The following FHIT variants were observed in gnomAD, a reference collection of about 807,000 sequenced individuals.
The protein encoded by FHIT is fragile histidine triad diadenosine triphosphatase, also known as bis(5'-adenosyl)-triphosphatase.
Under a neutral mutation model 17.9 loss-of-function variants are expected in FHIT, and 19 were observed. The ratio of observed to expected loss-of-function variants is 1.06; its 90% CI spans 0.74 to 1.56. FHIT has a LOEUF of 1.56. Ranked by LOEUF, FHIT falls within the 40% of genes most tolerant of loss-of-function variation. FHIT has a pLI of 0.00. For missense variants in FHIT, 248 were observed against 189.2 expected (o/e 1.31, Z -1.82); for synonymous variants, 81 against 69.7 (o/e 1.16, Z -0.81).
At chr3:60,338,415 G>C (rs201027483) in intron 5 of FHIT, among the ~76,000 whole-genome samples, 1 of 152,010 alleles carries the variant, frequency 6.6e-6, no homozygotes, top group South Asian at 2.1e-4. Context: ...GCCCAGACTC[G>C]AGTGCAGCGG....
chr3:59,769,029 T>A (rs1372969516), intron 8 of FHIT, among the ~76,000 whole-genome samples: 2 of 152,170 alleles, frequency 1.3e-5, no homozygotes, highest in Non-Finnish European at 2.9e-5. Context: ...TATCCTTCCC[T>A]CTTTTAAGGA....
chr3:60,908,298 A>G (rs1706542009), intron 3 of FHIT, among the ~76,000 whole-genome samples: 1 of 152,212 alleles, frequency 6.6e-6, no homozygotes, highest in African/African-American at 2.4e-5. Context: ...GAATATAAAG[A>G]AAGTCTGAAG....
At chr3:60,350,114 T>A (rs1376300830) in intron 5 of FHIT, among the ~76,000 whole-genome samples, 2 of 152,124 alleles carry the variant, frequency 1.3e-5, no homozygotes, top group Admixed American at 6.5e-5. Context: ...CAGTACACAC[T>A]CCCATACCTA....
chr3:60,875,182 C>T (rs1336317637), intron 3 of FHIT, among the ~76,000 whole-genome samples: 3 of 152,104 alleles, frequency 2.0e-5, no homozygotes, highest in East Asian at 1.9e-4. Flanking sequence ...CATACTTGAA[C>T]CCATCCAAAG....
intron 5 of FHIT, among the ~76,000 whole-genome samples, chr3:60,435,824 A>C (rs2030176187): frequency 6.6e-6 from 1 of 152,054 alleles, no homozygotes. Flanking sequence ...GTGTTCTGAC[A>C]ACAGGCCCCA....
chr3:60,334,213 G>A (rs566689592), intron 5 of FHIT, among the ~76,000 whole-genome samples: 87 of 152,178 alleles, frequency 5.7e-4, no homozygotes, highest in African/African-American at 2.1e-3. Context: ...ATAGTTATAT[G>A]CTGAGCCAAT....
intron 5 of FHIT, among the ~76,000 whole-genome samples, chr3:60,070,652 T>C (rs35086063): frequency 0.01 from 1,588 of 151,416 alleles, 17 homozygotes; most frequent in Middle Eastern, 0.017. Flanking sequence ...ACTGCTCAGC[T>C]ATGTTTAGAG....
At chr3:60,270,545 T>C (rs541295455) in intron 5 of FHIT, among the ~76,000 whole-genome samples, 1 of 152,342 alleles carries the variant, frequency 6.6e-6, no homozygotes, top group South Asian at 2.1e-4. Flanking sequence ...ACTTGGACTA[T>C]AAATTATCAT....
intron 2 of FHIT, among the ~76,000 whole-genome samples, chr3:61,110,554 CA>C (rs1323056355): frequency 6.6e-6 from 1 of 152,100 alleles, no homozygotes; most frequent in Non-Finnish European, 1.5e-5. Context: ...TTCTTTTCGT[CA>C]CTATCTGTCT....
chr3:59,864,047 GTTTCTTTCTGC>G (rs1702523796), intron 8 of FHIT, among the ~76,000 whole-genome samples: 1 of 152,154 alleles, frequency 6.6e-6, no homozygotes, highest in South Asian at 2.1e-4. Context: ...TACCATATTT[GTTTCTTTCTGC>G]CATGACAACC....
At chr3:61,114,764 C>A (rs2036252924) in intron 2 of FHIT, among the ~76,000 whole-genome samples, 1 of 152,124 alleles carries the variant, frequency 6.6e-6, no homozygotes, top group African/African-American at 2.4e-5. Flanking sequence ...CTCTCAAGGA[C>A]CCGGTGGACT....
At chr3:60,914,208 G>T (rs912052396) in intron 3 of FHIT, among the ~76,000 whole-genome samples, 13 of 152,130 alleles carry the variant, frequency 8.5e-5, no homozygotes, top group African/African-American at 3.1e-4. Context: ...CCCATTGGGA[G>T]CATAAGGAAT....
intron 5 of FHIT, among the ~76,000 whole-genome samples, chr3:60,176,948 C>T (rs988592987): frequency 1.3e-5 from 2 of 151,530 alleles, no homozygotes; most frequent in African/African-American, 4.9e-5. Context: ...GAGGGCAAAG[C>T]AAGGAGAAAG....
chr3:61,170,698 A>G (rs572611631), intron 2 of FHIT, among the ~76,000 whole-genome samples: 2 of 152,318 alleles, frequency 1.3e-5, no homozygotes, highest in South Asian at 4.1e-4. Context: ...TGCAAAGGAC[A>G]TGATCTTGTT....
intron 5 of FHIT, among the ~76,000 whole-genome samples, chr3:60,154,055 T>C (rs142868218): frequency 1.4e-3 from 206 of 152,324 alleles, no homozygotes; most frequent in Admixed American, 3.9e-3. Flanking sequence ...AGGCACCTTC[T>C]TTGTTTAGGG....
intron 3 of FHIT, among the ~76,000 whole-genome samples, chr3:60,953,386 G>A (rs1189723899): frequency 6.6e-6 from 1 of 151,902 alleles, no homozygotes; most frequent in African/African-American, 2.4e-5. Context: ...AACTATAAAA[G>A]TCTATAAAAT....
At chr3:60,120,855 TC>T (rs200043341) in intron 5 of FHIT, among the ~76,000 whole-genome samples, 4,102 of 151,900 alleles carry the variant, frequency 0.027, 195 homozygotes, top group African/African-American at 0.094. Context: ...ATTTTTTTTT[TC>T]CACCATTTGC....
intron 1 of FHIT, among the ~76,000 whole-genome samples, chr3:61,234,012 ACC>A (rs1172205026): frequency 6.6e-6 from 1 of 152,194 alleles, no homozygotes; most frequent in Non-Finnish European, 1.5e-5. Flanking sequence ...TGACATAGTA[ACC>A]TATTAAATAA....
chr3:60,123,626 T>A (rs762715842), intron 5 of FHIT, among the ~76,000 whole-genome samples: 1 of 152,040 alleles, frequency 6.6e-6, no homozygotes. Context: ...GTCTTTTGAA[T>A]TGATTTTCAA....
Sources: gnomAD v4.1 joint callset for allele counts (sites outside exome capture counted in the v4.1 genomes callset) on GRCh38, gnomAD v4.1.1 for gene constraint, MANE v1.5 for transcripts, NCBI Gene and HGNC (gene_info 2026-07-23, HGNC 2026-07-21) for gene names.